The following SCARB1 variants were observed in gnomAD, a reference collection of about 807,000 sequenced individuals.
SCARB1 encodes CD36 and LIMPII analogous 1.
A neutral mutation model predicts 57.2 loss-of-function variants in SCARB1; 30 were observed. The ratio of observed to expected loss-of-function variants is 0.52; its 90% CI spans 0.39 to 0.71. SCARB1 has a LOEUF of 0.71. Ranked by LOEUF, SCARB1 falls within the 30% of genes least tolerant of loss-of-function variation. SCARB1 has a pLI of 0.00. For synonymous variants in SCARB1, 249 were observed against 268.3 expected (o/e 0.93, Z 0.70); for missense variants, 543 against 671.2 (o/e 0.81, Z 2.11).
At position 124,817,100 on chromosome 12, in the gene SCARB1, A is replaced by G. The variant is rs542079558; in HGVS notation, c.284+450T>C. ...TGTGTGTGTATGTATGTGTGTGTGT[A>G]TGTGTATGTACGTGTGTATGTATGT... On this transcript the variant is annotated intron_variant, in intron 2 of 12. Transcript: ENST00000261693. This position sits in a 1 kb window ranked among gnomAD's most constrained non-coding sequence, Gnocchi z 4.8. 1.4e-4 allele frequency among the ~76,000 whole-genome samples: 21 copies of G among 146,124 alleles called. No homozygotes were observed. The highest frequency in any genetic ancestry group is 2.8e-4 in the African/African-American group (11 of 38,802).
At chr12:124,863,548 A>G in intron 1 of SCARB1, 47 bp downstream of exon 1, 1 of 1,578,352 alleles carries the variant, frequency 6.3e-7, no homozygotes, top group African/African-American at 1.4e-5. Flanking sequence ...CCCAGCGCCC[A>G]ACAGCCCGGG....
rs1949932774 is a variant in SCARB1 at position 124,796,014 on chromosome 12, T to A, written c.1129-746A>T. Among the ~76,000 whole-genome samples, 1 of 152,230 alleles carries A rather than the reference T, an allele frequency of 6.6e-6. No individual in the cohort carries two copies. The highest frequency in any genetic ancestry group is 1.5e-5 in the Non-Finnish European group (1 of 68,038). On this transcript the variant is annotated intron_variant, in intron 8 of 12. Coordinates refer to ENST00000261693, the MANE Select transcript of SCARB1 (RefSeq NM_005505.5). This position sits in a 1 kb window ranked among gnomAD's most constrained non-coding sequence, Gnocchi z 4.0. Reference sequence around the variant, plus strand: ...TTTGAGACAGAGTCTTACTCAGTCATCTAGGCTGGAGTGCAGGCAACCTCT... The same window carrying A: ...TTTGAGACAGAGTCTTACTCAGTCAACTAGGCTGGAGTGCAGGCAACCTCT...
chr12:124,785,587 G>A (rs768594489), intron 11 of SCARB1: 27 of 161,660 alleles, frequency 1.7e-4, no homozygotes, highest in Non-Finnish European at 5.4e-5. Flanking sequence ...GCACTCTCCA[G>A]TCTGGAAGCT....
At chr12:124,795,424 G>A (rs561883836) in intron 8 of SCARB1, among the ~76,000 whole-genome samples, 156 bp from the exon 9 acceptor site, 6 of 152,132 alleles carry the variant, frequency 3.9e-5, no homozygotes, top group Non-Finnish European at 5.9e-5. Flanking sequence ...CACAGGCTGG[G>A]GGGGGTCAAC....
intron 1 of SCARB1, among the ~76,000 whole-genome samples, chr12:124,828,388 G>A (rs1319904569): frequency 4.6e-5 from 7 of 152,058 alleles, no homozygotes; most frequent in African/African-American, 1.7e-4. Context: ...CATTGGGATT[G>A]CAGTTCATGC....
Position 124,833,074 on chromosome 12 carries a change from C to T in SCARB1, c.127-15367G>A, listed in dbSNP as rs187466947. On this transcript the variant is annotated intron_variant, in intron 1 of 12. Transcript: ENST00000261693. ...TCCTGTCCCCTTATCACTCCAACCC[C>T]TGCTTCTGAGGTCACATCTCCTACT... 6.1e-3 allele frequency among the ~76,000 whole-genome samples: 932 copies of T among 152,180 alleles called. 3 individuals carry two copies. The highest frequency in any genetic ancestry group is 0.023 in the South Asian group (111 of 4,816).
chr12:124,795,551 T>C (rs1949915278), intron 8 of SCARB1, among the ~76,000 whole-genome samples: 1 of 152,212 alleles, frequency 6.6e-6, no homozygotes, highest in South Asian at 2.1e-4. Context: ...GTTCCTTCTA[T>C]AAAGCAAGGC....
chr12:124,815,485 C>T (rs1950676695), intron 2 of SCARB1, among the ~76,000 whole-genome samples: 1 of 152,236 alleles, frequency 6.6e-6, no homozygotes, highest in South Asian at 2.1e-4. Context: ...ACGAGGTAAA[C>T]ATCAGCTGCT....
chr12:124,836,362 G>A (rs35905698), intron 1 of SCARB1, among the ~76,000 whole-genome samples: 7 of 152,282 alleles, frequency 4.6e-5, no homozygotes, highest in African/African-American at 1.2e-4. Context: ...ACTGCTGAAC[G>A]CATCTGGAAA....
Position 124,817,819 on chromosome 12 carries a change from G to A in SCARB1, c.127-112C>T, listed in dbSNP as rs946449184. The A allele has an allele frequency of 1.8e-5, 20 of 1,131,384 alleles. No homozygotes were observed. The Middle Eastern group carries it at 5.9e-4, about 33-fold the overall frequency. The allele number at this position is 1,131,384 out of a possible 1,614,324, so 70.1% of individuals were successfully genotyped here. ...CCGGCCAGGGAAGGGGCTCCTCGGC[G>A]GGAGCTTGGGATAGGAGGTGGTGGG... On this transcript the variant is annotated intron_variant, in intron 1 of 12. Coordinates refer to ENST00000261693, the MANE Select transcript of SCARB1 (RefSeq NM_005505.5). The surrounding 1 kb of genome is among the most constrained non-coding windows in gnomAD (Gnocchi z 4.8).
At position 124,817,671 on chromosome 12, in the gene SCARB1, T is replaced by C. The variant is rs749801989; in HGVS notation, c.163A>G (p.Met55Val). ...AAGGGGATAGGGATCTCCTTCCACA[T>C]GTTGAAGGACAGGCTACTGGGGTCG... ...RIDPSSLSFN[M>V]WKEIPIPFYL... The change falls in exon 2 of 13, where the codon ATG becomes GTG. Residue 55 changes from methionine (M) to valine (V), a missense_variant. By Grantham distance (21) the Met-to-Val change is conservative. Transcript: ENST00000261693. The surrounding 1 kb of genome is among the most constrained non-coding windows in gnomAD (Gnocchi z 4.8). 145 of 1,614,006 alleles carry C rather than the reference T, an allele frequency of 9.0e-5. No individual in the cohort carries two copies. The Admixed American group carries it at 2.4e-3, about 27-fold the overall frequency.
chr12:124,779,741 T>G (rs838886), intron 12 of SCARB1, among the ~76,000 whole-genome samples: 88,895 of 151,776 alleles, frequency 0.59, 27,062 homozygotes, highest in Non-Finnish European at 0.69. Flanking sequence ...GAGGCCTCCC[T>G]GCCCCGGTGG....
intron 9 of SCARB1, among the ~76,000 whole-genome samples, chr12:124,791,896 G>A (rs926681743): frequency 5.3e-5 from 8 of 151,918 alleles, no homozygotes; most frequent in African/African-American, 1.9e-4. Flanking sequence ...GGAGGTTGCA[G>A]TGAGCCGAAA....
At chr12:124,832,086 T>C (rs1438863123) in intron 1 of SCARB1, among the ~76,000 whole-genome samples, 4 of 152,232 alleles carry the variant, frequency 2.6e-5, no homozygotes, top group Non-Finnish European at 5.9e-5. Flanking sequence ...TGTCTGGATG[T>C]TAGTTATTAC....
chr12:124,795,154 C>G (rs1949898963), intron 9 of SCARB1, 41 bp downstream of exon 9: 1 of 1,534,766 alleles, frequency 6.5e-7, no homozygotes, highest in African/African-American at 1.4e-5. Flanking sequence ...CACCTAATCT[C>G]TCAATGAGCA....
At position 124,810,338 on chromosome 12, in the gene SCARB1, T is replaced by A; in HGVS notation, c.727-49A>T. The A allele has an allele frequency of 7.6e-7, 1 of 1,321,552 alleles. No homozygotes were observed. Among genetic ancestry groups the A allele is most frequent in the Non-Finnish European group, 1.1e-6 (1 of 914,086 alleles). The allele number at this position is 1,321,552 out of a possible 1,614,324, so 81.9% of individuals were successfully genotyped here. The stretch of plus-strand genomic sequence containing the variant: ...ACCCCTCAGTAGGGCCAAGGCCCCT[T>A]AATAAGCCCTCTCAGGTGCTGCACA... On this transcript the variant is annotated intron_variant, in intron 5 of 12. Coordinates refer to ENST00000261693, the MANE Select transcript of SCARB1 (RefSeq NM_005505.5). This position sits in a 1 kb window ranked among gnomAD's most constrained non-coding sequence, Gnocchi z 4.0.
intron 1 of SCARB1, among the ~76,000 whole-genome samples, chr12:124,836,993 T>C (rs759126285): frequency 1.3e-5 from 2 of 152,074 alleles, no homozygotes; most frequent in Non-Finnish European, 2.9e-5. Context: ...GCGTGGCAAG[T>C]AAGGAGCTCA....
rs546101778 is a variant in SCARB1 at position 124,812,481 on chromosome 12, G to A, written c.631-516C>T. ...GGTGCCCCAGTCACCCACACTGGAC[G>A]TGGAGTGCAAGCAAAGGAATAAGTC... On this transcript the variant is annotated intron_variant, in intron 4 of 12. Coordinates refer to ENST00000261693, the MANE Select transcript of SCARB1 (RefSeq NM_005505.5). The surrounding 1 kb of genome is among the most constrained non-coding windows in gnomAD (Gnocchi z 4.3). Among the ~76,000 whole-genome samples, 14 of 152,344 alleles carry A rather than the reference G, an allele frequency of 9.2e-5. No homozygotes were observed. Among genetic ancestry groups the A allele is most frequent in the Non-Finnish European group, 1.8e-4 (12 of 68,040 alleles).
intron 1 of SCARB1, among the ~76,000 whole-genome samples, chr12:124,857,803 G>A (rs1465461069): frequency 2.0e-5 from 3 of 152,198 alleles, no homozygotes; most frequent in South Asian, 4.1e-4. Flanking sequence ...CCGAGGTTGA[G>A]TCCATCTAGA....
Sources: allele counts gnomAD v4.1 joint callset (sites outside exome capture counted in the v4.1 genomes callset), GRCh38; gene constraint gnomAD v4.1.1; non-coding constraint Gnocchi (gnomAD v3.1); transcripts MANE v1.5; gene names NCBI Gene and HGNC (gene_info 2026-07-23, HGNC 2026-07-21).